ROBO1: variants seen among roughly 807,000 people sequenced by gnomAD.
ROBO1 encodes the protein roundabout homolog 1.
Under a neutral mutation model 195.9 loss-of-function variants are expected in ROBO1, and 149 were observed. The observed-to-expected ratio is 0.76, with a 90% confidence interval of 0.67 to 0.87. The LOEUF (loss-of-function observed/expected upper bound fraction) is 0.87, where lower values mean the gene tolerates loss of function less well. Ranked by LOEUF, ROBO1 falls within the 40% of genes least tolerant of loss-of-function variation. The pLI is 0.00. For missense variants in ROBO1, 1,933 were observed against 2,068.3 expected, an observed-to-expected ratio of 0.93 and a Z score of 1.27; for synonymous variants, 816 against 733.2, an observed-to-expected ratio of 1.11 and a Z score of -1.82.
chr3:78,799,122 C>T (rs916615810), intron 4 of ROBO1, among the ~76,000 whole-genome samples: 10 of 152,118 alleles, frequency 6.6e-5, no homozygotes, highest in Non-Finnish European at 8.8e-5. Flanking sequence ...GCTACAAATT[C>T]GCACAGCTTT....
chr3:79,757,354 G>A (rs907790375), intron 1 of ROBO1, among the ~76,000 whole-genome samples: 4 of 152,038 alleles, frequency 2.6e-5, no homozygotes, highest in African/African-American at 4.8e-5. Flanking sequence ...GACTCTCCAC[G>A]TACCAACCTG....
intron 17 of ROBO1, among the ~76,000 whole-genome samples, chr3:78,659,020 C>A (rs571670633): frequency 8.5e-5 from 13 of 152,260 alleles, no homozygotes; most frequent in African/African-American, 3.1e-4. Context: ...CTACATTCCA[C>A]AATTTAGCTT....
chr3:79,310,783 A>AG (rs2033448605), intron 2 of ROBO1, among the ~76,000 whole-genome samples: 1 of 152,176 alleles, frequency 6.6e-6, no homozygotes, highest in South Asian at 2.1e-4. Context: ...AAATAAAAAA[A>AG]TTAAAGTAAG....
rs185615774 is a variant in ROBO1, at chr3:79,009,427, T to C, written c.173-70500A>G. Among the ~76,000 whole-genome samples, 38 of 152,278 alleles carry C rather than the reference T, an allele frequency of 2.5e-4. No homozygotes were observed. In the East Asian group the frequency reaches 7.3e-3, roughly 29 times the overall value. On this transcript the variant is annotated intron_variant, in intron 3 of 30. Transcript: ENST00000464233. ...CCAAACCTATGGAAATAGATGAATA[T>C]AAATATACAATCCCATCTACATATT...
chr3:79,535,819 A>C (rs1196405769), intron 2 of ROBO1, among the ~76,000 whole-genome samples: 1 of 152,016 alleles, frequency 6.6e-6, no homozygotes, highest in Non-Finnish European at 1.5e-5. Context: ...AGTCACTCAC[A>C]CCCTTGATTT....
chr3:79,028,193 A>C (rs965517652), intron 3 of ROBO1, among the ~76,000 whole-genome samples: 1 of 152,062 alleles, frequency 6.6e-6, no homozygotes, highest in Non-Finnish European at 1.5e-5. Context: ...GGAAACTGCC[A>C]GCAAAAGAAA....
intron 2 of ROBO1, among the ~76,000 whole-genome samples, chr3:79,336,197 T>C (rs2034657913): frequency 6.6e-6 from 1 of 152,152 alleles, no homozygotes; most frequent in African/African-American, 2.4e-5. Flanking sequence ...GAAATTTGCA[T>C]AAGTAATGAG....
At chr3:79,605,072 T>C (rs973525855) in intron 1 of ROBO1, among the ~76,000 whole-genome samples, 4 of 151,974 alleles carry the variant, frequency 2.6e-5, no homozygotes, top group Admixed American at 2.0e-4. Flanking sequence ...TGCACTGAAC[T>C]TCTTACTAAG....
At chr3:78,949,705 A>G (rs1170078055) in intron 3 of ROBO1, among the ~76,000 whole-genome samples, 1 of 152,152 alleles carries the variant, frequency 6.6e-6, no homozygotes, top group Non-Finnish European at 1.5e-5. Context: ...AAAGGAAACT[A>G]CCATCAGAGT....
At chr3:79,080,713 T>C (rs1456039252) in intron 3 of ROBO1, among the ~76,000 whole-genome samples, 1 of 152,124 alleles carries the variant, frequency 6.6e-6, no homozygotes, top group Non-Finnish European at 1.5e-5. Flanking sequence ...GCCGCTCTAA[T>C]TCATGCAGCC....
At chr3:79,336,185 CA>C (rs1197801267) in intron 2 of ROBO1, among the ~76,000 whole-genome samples, 1 of 152,164 alleles carries the variant, frequency 6.6e-6, no homozygotes, top group Non-Finnish European at 1.5e-5. Flanking sequence ...AAGCCCACTG[CA>C]GAAATTTGCA....
intron 1 of ROBO1, among the ~76,000 whole-genome samples, chr3:79,680,496 C>A (rs1308094395): frequency 1.3e-5 from 2 of 151,892 alleles, no homozygotes; most frequent in Admixed American, 6.6e-5. Flanking sequence ...TAAAATGGAA[C>A]TGAAAAGTGA....
chr3:78,673,854 A>G (rs1708242820), intron 10 of ROBO1, among the ~76,000 whole-genome samples: 1 of 151,740 alleles, frequency 6.6e-6, no homozygotes, highest in African/African-American at 2.4e-5. Flanking sequence ...ATACACCAAT[A>G]AACATCGCAG....
intron 4 of ROBO1, among the ~76,000 whole-genome samples, chr3:78,903,264 A>G (rs2037694944): frequency 6.6e-6 from 1 of 152,176 alleles, no homozygotes; most frequent in Admixed American, 6.5e-5. Context: ...TACTATAAAT[A>G]TTATGGTCTT....
chr3:79,674,640 CA>C (rs1946728036), intron 1 of ROBO1, among the ~76,000 whole-genome samples: 1 of 151,784 alleles, frequency 6.6e-6, no homozygotes. Context: ...TTGCACAGGA[CA>C]AAATAAACTT....
intron 1 of ROBO1, among the ~76,000 whole-genome samples, chr3:79,637,619 C>T (rs752169040): frequency 2.6e-5 from 4 of 152,058 alleles, no homozygotes; most frequent in Non-Finnish European, 5.9e-5. Context: ...GTTACTCTAT[C>T]TTATCTTCAG....
intron 1 of ROBO1, among the ~76,000 whole-genome samples, chr3:79,720,069 T>C (rs1702637517): frequency 6.6e-6 from 1 of 152,196 alleles, no homozygotes; most frequent in African/African-American, 2.4e-5. Context: ...TGAAATTCTA[T>C]TAAGATAATA....
chr3:79,166,924 T>A (rs187452055), intron 2 of ROBO1, among the ~76,000 whole-genome samples: 23 of 152,294 alleles, frequency 1.5e-4, no homozygotes, highest in African/African-American at 5.3e-4. Context: ...AGAGGAATAA[T>A]ATTCCAAAGA....
chr3:79,706,577 G>C (rs1947777297), intron 1 of ROBO1, among the ~76,000 whole-genome samples: 1 of 152,018 alleles, frequency 6.6e-6, no homozygotes, highest in African/African-American at 2.4e-5. Flanking sequence ...CCCGGTAGGG[G>C]GTAATTAAGT....
Sources: gnomAD v4.1 joint callset for allele counts (sites outside exome capture counted in the v4.1 genomes callset) on GRCh38, gnomAD v4.1.1 for gene constraint, MANE v1.5 for transcripts, NCBI Gene and HGNC (gene_info 2026-07-23, HGNC 2026-07-21) for gene names.